The following ACTR3B variants were observed in gnomAD, a reference collection of about 807,000 sequenced individuals.
ACTR3B encodes actin-related protein 3B.
In ACTR3B, 8 loss-of-function variants were observed where a neutral mutation model predicts 59.0. The observed-to-expected ratio is 0.14, with a 90% CI of 0.08 to 0.24. ACTR3B has a LOEUF of 0.24. ACTR3B is among the 10% of genes least tolerant of loss of function. ACTR3B has a pLI of 1.00. For missense variants in ACTR3B, 245 were observed against 552.3 expected, an observed-to-expected ratio of 0.44 and a Z score of 5.58; for synonymous variants, 148 against 197.9, an observed-to-expected ratio of 0.75 and a Z score of 2.12.
At chr7:152,853,617 T>C in intron 11 of ACTR3B, 40 bp downstream of exon 11, 1 of 1,565,032 alleles carries the variant, frequency 6.4e-7, no homozygotes, top group Non-Finnish European at 8.8e-7. Flanking sequence ...TCCATTCCTG[T>C]GCTCTCGGTT....
At chr7:152,820,178 A>T in intron 6 of ACTR3B, 121 bp from the exon 7 acceptor site, 5 of 1,522,024 alleles carry the variant, frequency 3.3e-6, no homozygotes, top group Non-Finnish European at 4.4e-6. Context: ...GGGATTATGT[A>T]AATGCTTGTC....
chr7:152,839,111 C>G (rs556488520), intron 9 of ACTR3B, among the ~76,000 whole-genome samples: 17 of 149,864 alleles, frequency 1.1e-4, no homozygotes, highest in Admixed American at 7.3e-4. Context: ...AGAGAGAAAC[C>G]AGGGCCAGGT....
chr7:152,815,980 T>C (rs1360021360), intron 5 of ACTR3B, among the ~76,000 whole-genome samples: 3 of 152,098 alleles, frequency 2.0e-5, no homozygotes, highest in African/African-American at 7.2e-5. Flanking sequence ...AAGGTCTCAC[T>C]GTGTTGTCCA....
At chr7:152,834,495 C>T (rs1797286335) in intron 9 of ACTR3B, among the ~76,000 whole-genome samples, 2 of 152,212 alleles carry the variant, frequency 1.3e-5, no homozygotes, top group Admixed American at 6.5e-5. Context: ...CTTTTATTTT[C>T]ATGAACTGTA....
At chr7:152,807,922 A>G (rs1435588392) in intron 4 of ACTR3B, among the ~76,000 whole-genome samples, 1 of 152,154 alleles carries the variant, frequency 6.6e-6, no homozygotes, top group Admixed American at 6.5e-5. Flanking sequence ...CCATTTTTGA[A>G]TGTGCAGCTT....
rs777288190 is a variant in ACTR3B at position 152,823,366 on chromosome 7, G to A, written c.709G>A (p.Asp237Asn). ...GGAGAAATACTGTTACATTTGCCCC[G>A]ATATAGTCAAGGAATTTGCCAAGTA... Reference protein sequence around the residue: ...IKEKYCYICPDIVKEFAKYDV... With the variant: ...IKEKYCYICPNIVKEFAKYDV... Residue 237 changes from aspartate (D) to asparagine (N), a missense_variant, in exon 8 of 12, where the codon GAT becomes AAT. This residue lies in a region of ACTR3B where 153 missense variants were observed against 266.2 expected (regional missense o/e 0.57). Transcript: ENST00000256001. 1 of 1,614,188 alleles carries A rather than the reference G, an allele frequency of 6.2e-7. No individual in the cohort carries two copies. The highest frequency in any genetic ancestry group is 8.5e-7 in the Non-Finnish European group (1 of 1,180,024).
chr7:152,823,156 A>G (rs1448144712), intron 7 of ACTR3B, among the ~76,000 whole-genome samples, 186 bp from the exon 8 acceptor site: 1 of 152,214 alleles, frequency 6.6e-6, no homozygotes, highest in African/African-American at 2.4e-5. Flanking sequence ...CCGAAGTCCA[A>G]GTGTAACCAT....
At position 152,823,757 on chromosome 7, in the gene ACTR3B, A is replaced by G. The variant is rs4071539; in HGVS notation, c.858+242A>G. On this transcript the variant is annotated intron_variant, in intron 8 of 11. Transcript: ENST00000256001. ...CACAAATAGGAAGACTTTTAGGAGC[A>G]ATAGATGACAATAGAATTAAAAGTA... 2.8e-3 allele frequency among the ~76,000 whole-genome samples: 428 copies of G among 152,314 alleles called. 3 individuals are homozygous for G. Among genetic ancestry groups the G allele is most frequent in the African/African-American group, 9.8e-3 (409 of 41,562 alleles).
chr7:152,854,376 A>C lies in ACTR3B; in HGVS notation c.1162-82A>C. 3 of 1,263,752 alleles carry C rather than the reference A, an allele frequency of 2.4e-6. No individual in the cohort carries two copies. The highest frequency in any genetic ancestry group is 3.5e-6 in the Non-Finnish European group (3 of 864,128). 78.3% of individuals were successfully genotyped at this position (1,263,752 alleles called of 1,614,324 possible). ...GGAGGGTGGAGGCCGGGATGAGGAG[A>C]GTGTCTTGCCTGCTTGGTAGCTGGT... On this transcript the variant is annotated intron_variant, in intron 11 of 11. Coordinates refer to ENST00000256001, the MANE Select transcript of ACTR3B (RefSeq NM_020445.6). The surrounding 1 kb of genome is among the most constrained non-coding windows in gnomAD (Gnocchi z 4.9).
chr7:152,852,208 C>A lies in ACTR3B; in HGVS notation c.1034C>A (p.Ala345Asp). 2 of 1,613,992 alleles carry A rather than the reference C, an allele frequency of 1.2e-6. No individual in the cohort carries two copies. The highest frequency in any genetic ancestry group is 1.7e-6 in the Non-Finnish European group (2 of 1,179,948). Residue 345 changes from alanine to aspartate, a missense_variant, in exon 10 of 12, where the codon GCT becomes GAT. By Grantham distance (126) the Ala-to-Asp change is moderately radical. This residue lies in a region of ACTR3B where 153 missense variants were observed against 266.2 expected (regional missense o/e 0.57). Coordinates refer to ENST00000256001, the MANE Select transcript of ACTR3B (RefSeq NM_020445.6). The stretch of plus-strand genomic sequence containing the variant: ...AGGGATTTGAAGAGAGTGGTGGATG[C>A]TAGGCTGAGGCTCAGCGAGGAGCTC... ...LQRDLKRVVD[A>D]RLRLSEELSG...
chr7:152,778,672 G>A (rs974055352), intron 1 of ACTR3B, among the ~76,000 whole-genome samples: 1 of 151,708 alleles, frequency 6.6e-6, no homozygotes, highest in African/African-American at 2.4e-5. Context: ...GGGCTCGGTG[G>A]CTCACACCTA....
rs1262799743 is a variant in ACTR3B, at chr7:152,855,135, A to ATT, written c.*582_*583insTT. The ATT allele has an allele frequency of 1.3e-5, 2 of 152,726 alleles. No individual in the cohort carries two copies. The highest frequency in any genetic ancestry group is 4.8e-5 in the African/African-American group (2 of 41,440). The allele number at this position is 152,726 out of a possible 1,614,324, so 9.5% of individuals were successfully genotyped here. A position where few individuals can be genotyped will look rare whatever the true frequency, so the allele number is the denominator to read the frequency against. Reference sequence around the variant, plus strand: ...TGATATGTTTATAGGCAAACAAATAAAACAGCAAACTTTTTTGCCACATGT... The same window carrying ATT: ...TGATATGTTTATAGGCAAACAAATAATTAACAGCAAACTTTTTTGCCACATGT... On this transcript the variant is annotated 3_prime_UTR_variant, in exon 12 of 12. Coordinates refer to ENST00000256001, the MANE Select transcript of ACTR3B (RefSeq NM_020445.6).
Position 152,759,856 on chromosome 7 carries a change from CG to C in ACTR3B, c.-23del. ...CGACGGGGCGCTCTCGGGCTGCCGG[CG>C]GGGCCGAGCGCCGCGCGTCCCGAGC... On this transcript the variant is annotated 5_prime_UTR_variant, in exon 1 of 12. Coordinates refer to ENST00000256001, the MANE Select transcript of ACTR3B (RefSeq NM_020445.6). 9.5e-6 allele frequency: 12 copies of C among 1,264,798 alleles called. No homozygotes were observed. The highest frequency in any genetic ancestry group is 1.2e-5 in the Non-Finnish European group (12 of 1,001,462). 78.3% of individuals were successfully genotyped at this position (1,264,798 alleles called of 1,614,324 possible).
At chr7:152,763,271 G>A (rs2098096160) in intron 1 of ACTR3B, among the ~76,000 whole-genome samples, 1 of 140,834 alleles carries the variant, frequency 7.1e-6, no homozygotes, top group Admixed American at 7.3e-5. Flanking sequence ...GCCGAGATCG[G>A]GCCACTGCAC....
At chr7:152,787,878 A>G (rs952890243) in intron 2 of ACTR3B, among the ~76,000 whole-genome samples, 70 of 151,856 alleles carry the variant, frequency 4.6e-4, no homozygotes, top group African/African-American at 1.7e-3. Context: ...TTTTAGAATC[A>G]GCTTAAGTTC....
chr7:152,832,123 G>A (rs974258538), intron 9 of ACTR3B, among the ~76,000 whole-genome samples: 9 of 152,246 alleles, frequency 5.9e-5, no homozygotes, highest in Middle Eastern at 3.4e-3. Context: ...GGAGGAAGCC[G>A]GGAGAGGAGA....
chr7:152,772,515 A>G (rs567820506), intron 1 of ACTR3B, among the ~76,000 whole-genome samples: 3 of 151,920 alleles, frequency 2.0e-5, no homozygotes, highest in Admixed American at 6.6e-5. Flanking sequence ...ACAAAGCGAG[A>G]CTCTGGCTCA....
chr7:152,796,860 GTTTTTT>G (rs779909545), intron 2 of ACTR3B, among the ~76,000 whole-genome samples: 4 of 54,738 alleles, frequency 7.3e-5, no homozygotes, highest in African/African-American at 1.4e-4. Flanking sequence ...TAGTTTTTGT[GTTTTTT>G]TTTTTTTTTT....
intron 1 of ACTR3B, among the ~76,000 whole-genome samples, chr7:152,766,477 G>C (rs146707428): frequency 6.6e-6 from 1 of 152,124 alleles, no homozygotes; most frequent in Non-Finnish European, 1.5e-5. Flanking sequence ...TTAGCATTTA[G>C]GGAATGGTGG....
Sources: allele counts gnomAD v4.1 joint callset (sites outside exome capture counted in the v4.1 genomes callset), GRCh38; gene constraint gnomAD v4.1.1; regional missense constraint gnomAD v4.1.1; non-coding constraint Gnocchi (gnomAD v3.1); transcripts MANE v1.5; gene names NCBI Gene and HGNC (gene_info 2026-07-23, HGNC 2026-07-21).